The following NWD1 variants were observed in gnomAD, a reference collection of about 807,000 sequenced individuals.
NWD1 encodes the protein NACHT and WD repeat domain containing 1.
NWD1 carries 129 observed loss-of-function variants against 135.1 expected under a neutral mutation model. The observed-to-expected ratio is 0.96, with a 90% CI of 0.83 to 1.11. The LOEUF (loss-of-function observed/expected upper bound fraction) is 1.11. NWD1 is among the 50% of genes least tolerant of loss of function. The pLI is 0.00. For synonymous variants in NWD1, 773 were observed against 786.0 expected (o/e 0.98, Z 0.28); for missense variants, 1,740 against 1,851.3 (o/e 0.94, Z 1.10).
chr19:16,720,797 C>T (rs1263866701), intron 1 of NWD1, among the ~76,000 whole-genome samples: 1 of 152,072 alleles, frequency 6.6e-6, no homozygotes, highest in Non-Finnish European at 1.5e-5. Context: ...TCATGATCTG[C>T]CCTCCTCGGC....
chr19:16,722,351 C>T (rs923577615), intron 1 of NWD1, among the ~76,000 whole-genome samples: 7 of 150,660 alleles, frequency 4.6e-5, no homozygotes, highest in African/African-American at 9.7e-5. Context: ...TGCAATGGTG[C>T]GATCTCAGCT....
At chr19:16,812,769 T>A (rs1055850758) in intron 18 of NWD1, 2 of 781,060 alleles carry the variant, frequency 2.6e-6, no homozygotes, top group Non-Finnish European at 4.8e-6. Flanking sequence ...AGGGGTCCAA[T>A]GTGCTTGCTT....
intron 8 of NWD1, among the ~76,000 whole-genome samples, chr19:16,762,888 G>A (rs939477815): frequency 1.3e-5 from 2 of 151,598 alleles, no homozygotes; most frequent in Non-Finnish European, 2.9e-5. Context: ...AGGTTCAAGC[G>A]ATTCTCCCAC....
chr19:16,720,849 G>A (rs943317270), intron 1 of NWD1, among the ~76,000 whole-genome samples: 1 of 151,814 alleles, frequency 6.6e-6, no homozygotes, highest in African/African-American at 2.4e-5. Context: ...CACCGCACCT[G>A]GCCGAGACTT....
At chr19:16,738,309 C>T in intron 4 of NWD1, 1 of 403,512 alleles carries the variant, frequency 2.5e-6, no homozygotes, top group East Asian at 7.9e-5. Context: ...TGGCTCACTC[C>T]TGTAATCTCT....
At chr19:16,755,891 G>A (rs1968775359) in intron 6 of NWD1, among the ~76,000 whole-genome samples, 1 of 152,040 alleles carries the variant, frequency 6.6e-6, no homozygotes, top group Non-Finnish European at 1.5e-5. Flanking sequence ...GGAGTTAGGG[G>A]AACCAGCTGT....
chr19:16,810,151 T>C (rs1457394749), intron 18 of NWD1, among the ~76,000 whole-genome samples: 1 of 152,060 alleles, frequency 6.6e-6, no homozygotes, highest in Non-Finnish European at 1.5e-5. Flanking sequence ...AAGAAAGCCA[T>C]GTAAGGCTGG....
Position 16,725,725 on chromosome 19 carries a change from G to A in NWD1, c.-7+1262G>A, listed in dbSNP as rs1427862677. Among the ~76,000 whole-genome samples the A allele has an allele frequency of 2.0e-5, 3 of 150,634 alleles. No individual in the cohort carries two copies. The East Asian group carries it at 5.9e-4, about 30-fold the overall frequency. On this transcript the variant is annotated intron_variant, in intron 2 of 18. Coordinates refer to ENST00000524140, the MANE Select transcript of NWD1 (RefSeq NM_001007525.5). ...TCAGGACCATGCCTGGCTTATTTCT[G>A]TATTTTTAGTAGAGATGGGGTTTCA...
chr19:16,748,858 A>G (rs1968430763), intron 5 of NWD1, among the ~76,000 whole-genome samples: 1 of 151,854 alleles, frequency 6.6e-6, no homozygotes, highest in South Asian at 2.1e-4. Flanking sequence ...AATAAGAGTA[A>G]TGGCTTAACT....
chr19:16,798,159 G>C lies in NWD1; in HGVS notation c.3459+273G>C, dbSNP rs115460904. The stretch of plus-strand genomic sequence containing the variant: ...TGCCTTCAGAGTGGAGCAGGGTTGT[G>C]GGGGAGGAAAATTCTCAATTTAAGT... On this transcript the variant is annotated intron_variant, in intron 16 of 18. Coordinates refer to ENST00000524140, the MANE Select transcript of NWD1 (RefSeq NM_001007525.5). Among the ~76,000 whole-genome samples the C allele has an allele frequency of 3.0e-3, 460 of 152,186 alleles. 2 individuals are homozygous for C. Among genetic ancestry groups the C allele is most frequent in the African/African-American group, 0.011 (437 of 41,556 alleles).
In NWD1 at chr19:16,749,829, C is replaced by A. The variant is rs1242794124; in HGVS notation, c.1187C>A (p.Ala396Asp). The A allele has an allele frequency of 5.0e-6, 8 of 1,610,006 alleles. No homozygotes were observed. Among genetic ancestry groups the A allele is most frequent in the African/African-American group, 1.3e-5 (1 of 74,914 alleles). ...LKSICFQVCL[A>D]YGLPLPPAQV... The stretch of plus-strand genomic sequence containing the variant: ...AGCATCTGCTTCCAGGTGTGCCTGG[C>A]CTATGGGCTGCCCTTGCCCCCTGCC... Residue 396 changes from alanine (A) to aspartate (D), a missense_variant, in exon 6 of 19, where the codon GCC becomes GAC. Physicochemically the swap from Ala to Asp is moderately radical, Grantham distance 126 (BLOSUM62 -2). Transcript: ENST00000524140.
intron 2 of NWD1, among the ~76,000 whole-genome samples, chr19:16,728,719 C>T (rs563360422): frequency 2.1e-5 from 3 of 142,178 alleles, no homozygotes; most frequent in East Asian, 2.2e-4. Context: ...CCGAGGCGGG[C>T]GAATCACGAG....
At chr19:16,754,044 TCCATCCATCCAC>T (rs1186109000) in intron 6 of NWD1, among the ~76,000 whole-genome samples, 1 of 151,322 alleles carries the variant, frequency 6.6e-6, no homozygotes, top group African/African-American at 2.4e-5. Flanking sequence ...CATCCATCCA[TCCATCCATCCAC>T]CCATCATCTC....
intron 6 of NWD1, 42 bp downstream of exon 6, chr19:16,750,453 T>C: frequency 7.1e-7 from 1 of 1,410,618 alleles, no homozygotes; most frequent in South Asian, 1.5e-5. Flanking sequence ...TTTATTTATG[T>C]TTTCTTTTTT....
chr19:16,785,426 G>T (rs912744574), intron 12 of NWD1, among the ~76,000 whole-genome samples: 1 of 151,556 alleles, frequency 6.6e-6, no homozygotes, highest in Non-Finnish European at 1.5e-5. Context: ...CAGGAGAATC[G>T]CTTGAATCCT....
In NWD1 at chr19:16,806,421, C is replaced by T. The variant is rs559832161; in HGVS notation, c.3737-1165C>T. On this transcript the variant is annotated intron_variant, in intron 17 of 18. Coordinates refer to ENST00000524140, the MANE Select transcript of NWD1 (RefSeq NM_001007525.5). ...GATGTGGGAATACAAAAGTCTGGCC[C>T]CCTTGCTTCAAGATGGGACAATTCA... is the stretch of plus-strand genomic sequence containing the variant. 1.4e-3 allele frequency among the ~76,000 whole-genome samples: 217 copies of T among 152,260 alleles called. 1 individual carries two copies. Among genetic ancestry groups the T allele is most frequent in the South Asian group, 3.3e-3 (16 of 4,828 alleles).
chr19:16,746,702 AC>A (rs1968336460), intron 5 of NWD1, among the ~76,000 whole-genome samples: 1 of 151,866 alleles, frequency 6.6e-6, no homozygotes. Flanking sequence ...ACAAAAAAAA[AC>A]AGTCGATGAA....
chr19:16,727,191 C>T (rs892803473), intron 2 of NWD1: 3 of 152,230 alleles, frequency 2.0e-5, no homozygotes, highest in Non-Finnish European at 4.4e-5. Context: ...CAATGCCCAG[C>T]ACTGGGAAAC....
In NWD1 at chr19:16,797,744, C is replaced by G; in HGVS notation, c.3317C>G (p.Ser1106Trp). 1 of 1,613,724 alleles carries G rather than the reference C, an allele frequency of 6.2e-7. No homozygotes were observed. Among genetic ancestry groups the G allele is most frequent in the Non-Finnish European group, 8.5e-7 (1 of 1,179,794 alleles). Reference protein sequence around the residue: ...ESLLAAGFGRSVRIFLADSRG... With the variant: ...ESLLAAGFGRWVRIFLADSRG... ...CCTGCCGTTTCAGGCTTTGGAAGAT[C>G]GGTGCGGATATTCTTGGCGGACTCG... Residue 1106 changes from serine to tryptophan, a missense_variant, in exon 16 of 19, where the codon TCG (serine) becomes TGG (tryptophan). Physicochemically the swap from Ser to Trp is radical, Grantham distance 177 (BLOSUM62 -3). Coordinates refer to ENST00000524140, the MANE Select transcript of NWD1 (RefSeq NM_001007525.5).
Sources: allele counts gnomAD v4.1 joint callset (sites outside exome capture counted in the v4.1 genomes callset), GRCh38; gene constraint gnomAD v4.1.1; transcripts MANE v1.5; gene names NCBI Gene and HGNC (gene_info 2026-07-23, HGNC 2026-07-21).